KIAA1217: variants seen among roughly 807,000 people sequenced by gnomAD.
KIAA1217 encodes KIAA1217.
A neutral mutation model predicts 163.9 loss-of-function variants in KIAA1217; 88 were observed. That is an observed-to-expected ratio of 0.54 (90% CI 0.45 to 0.64). KIAA1217 has a LOEUF of 0.64. Ranked by LOEUF, KIAA1217 falls within the 30% of genes least tolerant of loss-of-function variation. The pLI, the probability that KIAA1217 is intolerant of heterozygous loss-of-function variation, is 0.00. For missense variants in KIAA1217, 2,372 were observed against 2,475.0 expected, an observed-to-expected ratio of 0.96 and a Z score of 0.88; for synonymous variants, 903 against 923.1, an observed-to-expected ratio of 0.98 and a Z score of 0.39.
In KIAA1217 at chr10:23,947,784, A is replaced by T. The variant is rs371373513; in HGVS notation, c.-320-59441A>T. Among the ~76,000 whole-genome samples, 12 of 152,200 alleles carry T rather than the reference A, an allele frequency of 7.9e-5. 1 individual carries two copies. In the East Asian group the frequency reaches 1.3e-3, roughly 17 times the overall value. ...CTAAAGCTTATATTCTAGTGTAGGG[A>T]TACAGACAGTAAACAAGGTAAGTAC... On this transcript the variant is annotated intron_variant, in intron 1 of 18. Transcript: ENST00000376462.
chr10:23,986,670 C>G (rs1258201689), intron 1 of KIAA1217, among the ~76,000 whole-genome samples: 1 of 152,196 alleles, frequency 6.6e-6, no homozygotes, highest in South Asian at 2.1e-4. Context: ...TATGTCATGT[C>G]GCAAATGTGG....
chr10:23,870,496 T>C (rs905277785), intron 1 of KIAA1217, among the ~76,000 whole-genome samples: 1 of 152,056 alleles, frequency 6.6e-6, no homozygotes, highest in African/African-American at 2.4e-5. Flanking sequence ...ACCAGGAAAT[T>C]GACAAGGCAA....
chr10:24,546,176 C>T lies in KIAA1217; in HGVS notation c.5684C>T (p.Ser1895Phe), dbSNP rs1334418780. ...GRAPPPLSFS[S>F]SPPSPASSVS... Reference sequence around the variant, plus strand: ...GCACCCCCTCCTTTGTCATTTTCCTCCTCCCCTCCTTCTCCTGCCTCCTCC... The same window carrying T: ...GCACCCCCTCCTTTGTCATTTTCCTTCTCCCCTCCTTCTCCTGCCTCCTCC... The change falls in exon 21 of 21, where the codon TCC becomes TTC. Residue 1895 changes from serine (S) to phenylalanine (F), a missense_variant. Coordinates refer to ENST00000376454, the MANE Select transcript of KIAA1217 (RefSeq NM_019590.5). 8.7e-6 allele frequency: 14 copies of T among 1,614,018 alleles called. No individual in the cohort carries two copies. Among genetic ancestry groups the T allele is most frequent in the Non-Finnish European group, 1.2e-5 (14 of 1,180,030 alleles).
Position 23,851,587 on chromosome 10 carries a change from C to T in KIAA1217, c.-320-155638C>T, listed in dbSNP as rs572327064. Among the ~76,000 whole-genome samples the T allele has an allele frequency of 3.0e-3, 453 of 152,280 alleles. 1 individual carries two copies. In the Middle Eastern group the frequency reaches 0.031, roughly 10 times the overall value. The stretch of plus-strand genomic sequence containing the variant: ...GTTCTAGATCCCTGAGGAATCGCCA[C>T]ACTGACTTCCACAATGGTTGAACTA... On this transcript the variant is annotated intron_variant, in intron 1 of 18. Transcript: ENST00000376462.
chr10:24,115,571 TCTTC>T (rs1482872599), intron 2 of KIAA1217, among the ~76,000 whole-genome samples: 1 of 152,222 alleles, frequency 6.6e-6, no homozygotes, highest in Non-Finnish European at 1.5e-5. Context: ...CAGTGAGTGA[TCTTC>T]CTGCTCACAG....
At chr10:23,735,687 C>T (rs1038139714) in intron 1 of KIAA1217, among the ~76,000 whole-genome samples, 7 of 151,660 alleles carry the variant, frequency 4.6e-5, no homozygotes, top group Non-Finnish European at 1.0e-4. Context: ...TTATGATTAC[C>T]ATTTCTTTGA....
At chr10:23,898,982 T>C (rs577467521) in intron 1 of KIAA1217, among the ~76,000 whole-genome samples, 1 of 152,248 alleles carries the variant, frequency 6.6e-6, no homozygotes, top group East Asian at 1.9e-4. Flanking sequence ...TGTTGATGTG[T>C]ATAGCTGTTG....
intron 2 of KIAA1217, among the ~76,000 whole-genome samples, chr10:24,282,402 C>G (rs2078049527): frequency 6.6e-6 from 1 of 152,062 alleles, no homozygotes. Flanking sequence ...GCTATGTTCC[C>G]CCTCCTTCAG....
At chr10:24,362,951 A>C (rs904863363) in intron 2 of KIAA1217, among the ~76,000 whole-genome samples, 2 of 147,758 alleles carry the variant, frequency 1.4e-5, no homozygotes, top group South Asian at 4.4e-4. Context: ...AAAAAAGAAG[A>C]AGAAGAAAAG....
intron 2 of KIAA1217, among the ~76,000 whole-genome samples, chr10:24,301,827 C>T (rs961611687): frequency 2.3e-4 from 35 of 152,004 alleles, no homozygotes; most frequent in African/African-American, 7.5e-4. Context: ...GGCAGATCAC[C>T]TGAGGTCAGG....
At chr10:24,363,406 A>AT (rs2050284924) in intron 2 of KIAA1217, among the ~76,000 whole-genome samples, 1 of 152,134 alleles carries the variant, frequency 6.6e-6, no homozygotes, top group Admixed American at 6.6e-5. Flanking sequence ...TCTTTTTGCC[A>AT]TTTTCTTATG....
In KIAA1217 at chr10:24,248,648, G is replaced by A. The variant is rs979541969; in HGVS notation, c.354+28739G>A. On this transcript the variant is annotated intron_variant, in intron 2 of 20. Transcript: ENST00000376454. The stretch of plus-strand genomic sequence containing the variant: ...ATCACTCCACTGCCCTCCAGCCTGG[G>A]CAACAAAGCAAGACTCCATCTCAAA... Among the ~76,000 whole-genome samples the A allele has an allele frequency of 3.7e-5, 4 of 106,884 alleles. No homozygotes were observed. The Admixed American group carries it at 6.3e-4, about 17-fold the overall frequency. 70.1% of individuals were successfully genotyped at this position (106,884 alleles called of 152,430 possible).
intron 2 of KIAA1217, among the ~76,000 whole-genome samples, chr10:24,223,838 A>G (rs781434067): frequency 2.2e-3 from 108 of 49,944 alleles, no homozygotes; most frequent in Non-Finnish European, 2.1e-3. Flanking sequence ...CCCAGCACCC[A>G]CCACCCACCC....
At chr10:23,785,171 C>T (rs1197773475) in intron 1 of KIAA1217, among the ~76,000 whole-genome samples, 3 of 152,174 alleles carry the variant, frequency 2.0e-5, no homozygotes, top group Non-Finnish European at 4.4e-5. Flanking sequence ...TGTCACTCTC[C>T]AGCATAATCA....
At chr10:24,358,065 A>G (rs1306205330) in intron 2 of KIAA1217, among the ~76,000 whole-genome samples, 1 of 152,248 alleles carries the variant, frequency 6.6e-6, no homozygotes, top group South Asian at 2.1e-4. Context: ...CCAAGAACCA[A>G]TGCCTTCTTC....
chr10:23,926,041 A>G (rs1241675571), intron 1 of KIAA1217, among the ~76,000 whole-genome samples: 3 of 152,202 alleles, frequency 2.0e-5, no homozygotes, highest in Admixed American at 6.5e-5. Flanking sequence ...CGATCCAGGC[A>G]GACCTCCCCA....
At chr10:24,414,918 A>G (rs2058102232) in intron 3 of KIAA1217, among the ~76,000 whole-genome samples, 1 of 150,698 alleles carries the variant, frequency 6.6e-6, no homozygotes, top group African/African-American at 2.4e-5. Context: ...GTATCAGAGG[A>G]GAACAAAAGA....
In KIAA1217 at chr10:23,762,316, A is replaced by C. The variant is rs527468580; in HGVS notation, c.-321+67082A>C. The stretch of plus-strand genomic sequence containing the variant: ...CCAAAACCTGGAAGAGACACAACAA[A>C]AAAAAAAAAGAAAACAGGCCAATAT... On this transcript the variant is annotated intron_variant, in intron 1 of 18. Coordinates refer to the KIAA1217 transcript ENST00000376462. 3.9e-3 allele frequency among the ~76,000 whole-genome samples: 526 copies of C among 135,560 alleles called. 1 individual carries two copies. The highest frequency in any genetic ancestry group is 7.5e-3 in the Admixed American group (108 of 14,454). 88.9% of individuals were successfully genotyped at this position (135,560 alleles called of 152,430 possible). A position where few individuals can be genotyped will look rare whatever the true frequency, so the allele number is the denominator to read the frequency against.
intron 6 of KIAA1217, among the ~76,000 whole-genome samples, chr10:24,479,867 C>A (rs543398805): frequency 1.3e-5 from 2 of 152,214 alleles, no homozygotes; most frequent in African/African-American, 4.8e-5. Flanking sequence ...AGAATGAATC[C>A]AATCTCTTAA....
Sources: allele counts gnomAD v4.1 joint callset (sites outside exome capture counted in the v4.1 genomes callset), GRCh38; gene constraint gnomAD v4.1.1; transcripts MANE v1.5; gene names NCBI Gene and HGNC (gene_info 2026-07-23, HGNC 2026-07-21).